LUZP2: variants seen among roughly 807,000 people sequenced by gnomAD.
LUZP2 encodes the protein leucine zipper protein 2.
LUZP2 carries 52 observed loss-of-function variants against 51.6 expected under a neutral mutation model. That is an observed-to-expected ratio of 1.01 (90% confidence interval 0.81 to 1.27). The LOEUF (loss-of-function observed/expected upper bound fraction) is 1.27. LUZP2 is among the 50% of genes most tolerant of loss of function. The pLI is 0.00. For missense variants in LUZP2, 436 were observed against 395.4 expected (o/e 1.10, Z -0.87); for synonymous variants, 154 against 137.3 (o/e 1.12, Z -0.85).
chr11:25,048,398 C>T (rs924881561), intron 9 of LUZP2, among the ~76,000 whole-genome samples: 1 of 152,082 alleles, frequency 6.6e-6, no homozygotes, highest in Non-Finnish European at 1.5e-5. Context: ...TTAAAATATA[C>T]ACAAGTCTGT....
intron 7 of LUZP2, among the ~76,000 whole-genome samples, chr11:24,952,196 G>A (rs968376723): frequency 2.0e-5 from 3 of 151,328 alleles, no homozygotes; most frequent in African/African-American, 4.8e-5. Context: ...TGTTATCATC[G>A]CCATCGTTAT....
intron 7 of LUZP2, among the ~76,000 whole-genome samples, chr11:24,961,583 T>C (rs915498473): frequency 6.6e-6 from 1 of 152,132 alleles, no homozygotes; most frequent in African/African-American, 2.4e-5. Context: ...TGCCTTTCTT[T>C]GTTTTCCATT....
chr11:24,523,786 A>G (rs1409484613), intron 1 of LUZP2, among the ~76,000 whole-genome samples: 1 of 151,726 alleles, frequency 6.6e-6, no homozygotes, highest in Non-Finnish European at 1.5e-5. Context: ...GTAATATATT[A>G]ATTTTGATCC....
chr11:24,760,891 A>G (rs2631412), intron 4 of LUZP2, among the ~76,000 whole-genome samples: 70,150 of 152,058 alleles, frequency 0.46, 16,917 homozygotes, highest in Non-Finnish European at 0.54. Context: ...CTTCCTCTGC[A>G]TATTACTTAT....
intron 10 of LUZP2, among the ~76,000 whole-genome samples, chr11:25,061,971 C>A (rs559036819): frequency 6.6e-6 from 1 of 151,996 alleles, no homozygotes; most frequent in East Asian, 1.9e-4. Context: ...CTGTGTATTG[C>A]CCGACATGCC....
chr11:24,890,053 T>C (rs1391999687), intron 5 of LUZP2, among the ~76,000 whole-genome samples: 3 of 152,188 alleles, frequency 2.0e-5, no homozygotes, highest in Non-Finnish European at 4.4e-5. Context: ...GAAATAGTTG[T>C]TCTCCCCCAC....
chr11:24,555,822 T>TA (rs974786747), intron 1 of LUZP2, among the ~76,000 whole-genome samples: 9 of 152,070 alleles, frequency 5.9e-5, no homozygotes, highest in African/African-American at 1.9e-4. Flanking sequence ...AAATAAAGAA[T>TA]AAAAAAATTA....
intron 1 of LUZP2, among the ~76,000 whole-genome samples, chr11:24,544,692 A>G (rs144955971): frequency 6.6e-6 from 1 of 152,246 alleles, no homozygotes; most frequent in African/African-American, 2.4e-5. Flanking sequence ...TCTGATAAGC[A>G]TTAAGGTTAA....
At position 24,804,755 on chromosome 11, in the gene LUZP2, C is replaced by G. The variant is rs141793606; in HGVS notation, c.396+41447C>G. On this transcript the variant is annotated intron_variant, in intron 5 of 11. Coordinates refer to ENST00000336930, the MANE Select transcript of LUZP2 (RefSeq NM_001009909.4). The stretch of plus-strand genomic sequence containing the variant: ...GAGAAGGGGTGAAGGTCAGAGGGAC[C>G]CTCTTGCTTCTGCTTTCTCTTCAGA... Among the ~76,000 whole-genome samples, 311 of 152,106 alleles carry G rather than the reference C, an allele frequency of 2.0e-3. 1 individual carries two copies. Among genetic ancestry groups the G allele is most frequent in the African/African-American group, 7.3e-3 (304 of 41,504 alleles).
intron 4 of LUZP2, among the ~76,000 whole-genome samples, chr11:24,747,639 A>G (rs1019479557): frequency 2.6e-5 from 4 of 152,072 alleles, no homozygotes; most frequent in Admixed American, 6.5e-5. Context: ...GTCTTCCACT[A>G]CCAGGCTACC....
At chr11:24,667,433 C>T (rs1323300759) in intron 1 of LUZP2, among the ~76,000 whole-genome samples, 2 of 152,100 alleles carry the variant, frequency 1.3e-5, no homozygotes, top group East Asian at 3.9e-4. Flanking sequence ...GATCTGCCGT[C>T]CTCAGCCTCC....
At chr11:24,632,464 C>A (rs1283380042) in intron 1 of LUZP2, among the ~76,000 whole-genome samples, 1 of 152,028 alleles carries the variant, frequency 6.6e-6, no homozygotes, top group African/African-American at 2.4e-5. Context: ...CATATCATTA[C>A]AATCAGTGCA....
chr11:24,896,266 C>G (rs1426891580), intron 5 of LUZP2, among the ~76,000 whole-genome samples: 1 of 152,172 alleles, frequency 6.6e-6, no homozygotes, highest in Non-Finnish European at 1.5e-5. Flanking sequence ...CCAGCTCCCT[C>G]TGCTTGCAGG....
intron 1 of LUZP2, among the ~76,000 whole-genome samples, chr11:24,713,254 G>A (rs974810974): frequency 6.6e-6 from 1 of 152,200 alleles, no homozygotes; most frequent in African/African-American, 2.4e-5. Flanking sequence ...AATTTTTATA[G>A]TTTTATGATT....
At chr11:24,721,798 T>C (rs1478771975) in intron 1 of LUZP2, among the ~76,000 whole-genome samples, 2 of 152,148 alleles carry the variant, frequency 1.3e-5, no homozygotes, top group African/African-American at 2.4e-5. Flanking sequence ...TTCTAAAATG[T>C]ATATGGAAAT....
At chr11:24,989,976 G>GTCA (rs1248836825) in intron 9 of LUZP2, among the ~76,000 whole-genome samples, 1 of 151,970 alleles carries the variant, frequency 6.6e-6, no homozygotes, top group East Asian at 1.9e-4. Flanking sequence ...AATTGCAATT[G>GTCA]TCATCTGTCT....
chr11:24,815,372 A>G (rs962445194), intron 5 of LUZP2, among the ~76,000 whole-genome samples: 12 of 152,366 alleles, frequency 7.9e-5, no homozygotes, highest in African/African-American at 2.9e-4. Flanking sequence ...ATTACGAAGT[A>G]TATCTCAAAT....
At chr11:24,851,198 A>G (rs898188307) in intron 5 of LUZP2, among the ~76,000 whole-genome samples, 7 of 152,240 alleles carry the variant, frequency 4.6e-5, no homozygotes, top group African/African-American at 1.4e-4. Flanking sequence ...GCCCATTTTC[A>G]AAGGGAATGA....
At chr11:24,994,966 T>C (rs547328803) in intron 9 of LUZP2, among the ~76,000 whole-genome samples, 2 of 152,358 alleles carry the variant, frequency 1.3e-5, no homozygotes, top group African/African-American at 2.4e-5. Context: ...TTTGAAATTA[T>C]ATTATACTGT....
Sources: allele counts gnomAD v4.1 joint callset (sites outside exome capture counted in the v4.1 genomes callset), GRCh38; gene constraint gnomAD v4.1.1; transcripts MANE v1.5; gene names NCBI Gene and HGNC (gene_info 2026-07-23, HGNC 2026-07-21).